Variants in EPHA6 observed in about 807,000 individuals in gnomAD.
EPHA6 encodes ephrin type-A receptor 6.
Under a neutral mutation model 112.0 loss-of-function variants are expected in EPHA6, and 50 were observed. The observed-to-expected ratio is 0.45, with a 90% CI of 0.36 to 0.56. EPHA6 has a LOEUF of 0.56. Ranked by LOEUF, EPHA6 falls within the 20% of genes least tolerant of loss-of-function variation. EPHA6 has a pLI of 0.00. For missense variants in EPHA6, 1,280 were observed against 1,417.4 expected (o/e 0.90, Z 1.56); for synonymous variants, 529 against 490.7 (o/e 1.08, Z -1.03).
intron 2 of EPHA6, among the ~76,000 whole-genome samples, chr3:96,870,964 C>A (rs1269586572): frequency 6.6e-6 from 1 of 151,904 alleles, no homozygotes. Flanking sequence ...TTGAAATTAT[C>A]CAAAACTATA....
At chr3:97,433,349 C>T (rs1199051600) in intron 6 of EPHA6, among the ~76,000 whole-genome samples, 2 of 152,086 alleles carry the variant, frequency 1.3e-5, no homozygotes, top group Non-Finnish European at 2.9e-5. Flanking sequence ...GAAATACTAA[C>T]AAAATATAAT....
intron 6 of EPHA6, among the ~76,000 whole-genome samples, chr3:97,429,090 G>A (rs560477440): frequency 6.6e-6 from 1 of 152,108 alleles, no homozygotes; most frequent in African/African-American, 2.4e-5. Flanking sequence ...ACTTACACAA[G>A]CCATGATTTT....
intron 3 of EPHA6, among the ~76,000 whole-genome samples, chr3:97,180,728 T>G (rs1160501514): frequency 6.6e-6 from 1 of 152,106 alleles, no homozygotes; most frequent in African/African-American, 2.4e-5. Context: ...GAATCCTAGA[T>G]ACAAGATAAA....
At chr3:97,472,520 T>C (rs2091257400) in intron 7 of EPHA6, among the ~76,000 whole-genome samples, 1 of 151,736 alleles carries the variant, frequency 6.6e-6, no homozygotes, top group Non-Finnish European at 1.5e-5. Context: ...TAGACAGCTT[T>C]GATAACAAAG....
intron 3 of EPHA6, among the ~76,000 whole-genome samples, chr3:96,996,603 G>A (rs1217139172): frequency 2.0e-5 from 3 of 152,056 alleles, no homozygotes; most frequent in Non-Finnish European, 4.4e-5. Context: ...TAGGTGACCA[G>A]GTGCATCATC....
At chr3:97,485,305 T>A (rs1394177943) in intron 10 of EPHA6, among the ~76,000 whole-genome samples, 1 of 152,188 alleles carries the variant, frequency 6.6e-6, no homozygotes, top group East Asian at 1.9e-4. Context: ...AGTCCCTTGT[T>A]AAAAATTTAT....
At chr3:97,293,691 G>C (rs1446787518) in intron 5 of EPHA6, among the ~76,000 whole-genome samples, 6 of 152,210 alleles carry the variant, frequency 3.9e-5, no homozygotes, top group Non-Finnish European at 8.8e-5. Flanking sequence ...CTGGAGTGTG[G>C]ACTCCACTTG....
chr3:97,498,142 A>G (rs2092026298), intron 10 of EPHA6, among the ~76,000 whole-genome samples: 1 of 152,150 alleles, frequency 6.6e-6, no homozygotes. Context: ...GAAAATCACT[A>G]TGCTCTTGAT....
chr3:97,069,098 T>C (rs2046274298), intron 3 of EPHA6, among the ~76,000 whole-genome samples: 1 of 152,112 alleles, frequency 6.6e-6, no homozygotes, highest in South Asian at 2.1e-4. Context: ...AATTCACATG[T>C]AACTTGTGAC....
intron 1 of EPHA6, among the ~76,000 whole-genome samples, chr3:96,820,832 A>G (rs887883281): frequency 2.0e-5 from 3 of 152,014 alleles, no homozygotes; most frequent in Admixed American, 1.3e-4. Flanking sequence ...CTGTACAAGT[A>G]TGTAGGGACA....
chr3:97,395,977 T>C (rs779837353), intron 5 of EPHA6, among the ~76,000 whole-genome samples: 1 of 151,700 alleles, frequency 6.6e-6, no homozygotes, highest in Non-Finnish European at 1.5e-5. Context: ...AGTGATTCCA[T>C]ATGAAAGCTT....
At chr3:96,998,773 G>A (rs2107892987) in intron 3 of EPHA6, among the ~76,000 whole-genome samples, 1 of 151,954 alleles carries the variant, frequency 6.6e-6, no homozygotes, top group South Asian at 2.1e-4. Context: ...GAGAGAGAGA[G>A]AAAGATTGCT....
intron 3 of EPHA6, among the ~76,000 whole-genome samples, chr3:97,193,345 G>T (rs1304262237): frequency 1.3e-5 from 2 of 151,922 alleles, no homozygotes; most frequent in Non-Finnish European, 2.9e-5. Flanking sequence ...TAATTGTAGA[G>T]ATTTTTCATT....
At chr3:97,072,244 T>A (rs2046383265) in intron 3 of EPHA6, among the ~76,000 whole-genome samples, 1 of 152,076 alleles carries the variant, frequency 6.6e-6, no homozygotes, top group Non-Finnish European at 1.5e-5. Flanking sequence ...AAATCCTCAT[T>A]TTTAGTACCT....
chr3:97,119,701 T>C (rs1442719911), intron 3 of EPHA6, among the ~76,000 whole-genome samples: 2 of 152,050 alleles, frequency 1.3e-5, no homozygotes, highest in Non-Finnish European at 1.5e-5. Context: ...TAAATGGAGT[T>C]GTCTGAACTT....
At chr3:97,109,441 C>T (rs1388244238) in intron 3 of EPHA6, among the ~76,000 whole-genome samples, 1 of 152,120 alleles carries the variant, frequency 6.6e-6, no homozygotes, top group Non-Finnish European at 1.5e-5. Context: ...ATCTTTTCTA[C>T]TTGCATGGGA....
At chr3:97,057,442 A>T (rs2045887390) in intron 3 of EPHA6, among the ~76,000 whole-genome samples, 1 of 152,164 alleles carries the variant, frequency 6.6e-6, no homozygotes, top group East Asian at 1.9e-4. Flanking sequence ...CTGTCCTCAA[A>T]AGAGACTTTG....
At chr3:96,920,783 AC>A (rs1368788953) in intron 2 of EPHA6, among the ~76,000 whole-genome samples, 1 of 152,014 alleles carries the variant, frequency 6.6e-6, no homozygotes, top group Non-Finnish European at 1.5e-5. Context: ...AATGGCTTGA[AC>A]TTAAATAAAA....
chr3:97,227,195 T>C (rs1452822352), intron 4 of EPHA6, among the ~76,000 whole-genome samples: 2 of 151,504 alleles, frequency 1.3e-5, no homozygotes, highest in Non-Finnish European at 2.9e-5. Context: ...AAACACAATA[T>C]ATAAATTTAG....
Sources: allele counts gnomAD v4.1 joint callset (sites outside exome capture counted in the v4.1 genomes callset), GRCh38; gene constraint gnomAD v4.1.1; transcripts MANE v1.5; gene names NCBI Gene and HGNC (gene_info 2026-07-23, HGNC 2026-07-21).